Variants in ZNF569 observed in about 807,000 individuals in gnomAD.
ZNF569 encodes DNA-binding protein.
Under a neutral mutation model 56.3 loss-of-function variants are expected in ZNF569, and 38 were observed. The ratio of observed to expected loss-of-function variants is 0.68; its 90% CI spans 0.52 to 0.88. The LOEUF (loss-of-function observed/expected upper bound fraction) is 0.88, where lower values mean the gene tolerates loss of function less well. Ranked by LOEUF, ZNF569 falls within the 40% of genes least tolerant of loss-of-function variation. ZNF569 has a pLI of 0.00. For missense variants in ZNF569, 666 were observed against 809.2 expected, an observed-to-expected ratio of 0.82 and a Z score of 2.15; for synonymous variants, 241 against 262.9, an observed-to-expected ratio of 0.92 and a Z score of 0.81.
Position 37,413,208 on chromosome 19 carries a change from G to A in ZNF569, c.1450C>T (p.His484Tyr). Reference protein sequence around the residue: ...AFSQKSNLIAHEKIHSGEKPY... With the variant: ...AFSQKSNLIAYEKIHSGEKPY... ...TTCTCTCCAGAATGAATTTTTTCAT[G>A]AGCAATGAGATTTGATTTCTGGCTA... The change falls in exon 6 of 6, where the codon CAT becomes TAT. Residue 484 changes from histidine (H) to tyrosine (Y), a missense_variant. Physicochemically the swap from His to Tyr is moderately conservative, Grantham distance 83. Transcript: ENST00000316950. 1 of 1,607,768 alleles carries A rather than the reference G, an allele frequency of 6.2e-7. No individual in the cohort carries two copies.
At chr19:37,434,529 A>T (rs1430428675) in intron 3 of ZNF569, among the ~76,000 whole-genome samples, 4 of 152,196 alleles carry the variant, frequency 2.6e-5, no homozygotes, top group African/African-American at 4.8e-5. Context: ...TCTACTAAAA[A>T]TACAAAAAAA....
At chr19:37,447,695 T>G (rs1216273927) in intron 2 of ZNF569, among the ~76,000 whole-genome samples, 1 of 147,064 alleles carries the variant, frequency 6.8e-6, no homozygotes, top group African/African-American at 2.7e-5. Context: ...AGATAAAGCA[T>G]TCAGTATCTC....
upstream of ZNF569, chr19:37,467,660 G>A: frequency 3.4e-6 from 2 of 596,452 alleles, no homozygotes; most frequent in Non-Finnish European, 3.0e-6. Context: ...AGTGAAGGCC[G>A]GGTCAGCTGG....
chr19:37,454,729 C>T (rs1328027589), intron 2 of ZNF569: 34 of 659,490 alleles, frequency 5.2e-5, no homozygotes, highest in Non-Finnish European at 8.3e-5. Flanking sequence ...GACTGCAACC[C>T]CCACCTCCCT....
At chr19:37,427,606 C>CT (rs1351579727) in intron 3 of ZNF569, among the ~76,000 whole-genome samples, 2 of 152,166 alleles carry the variant, frequency 1.3e-5, no homozygotes, top group African/African-American at 4.8e-5. Context: ...CTAAAAGGAA[C>CT]TTATGAGCAT....
intron 4 of ZNF569, 62 bp downstream of exon 4, chr19:37,426,190 C>T (rs1433693295): frequency 2.0e-6 from 3 of 1,537,936 alleles, no homozygotes; most frequent in African/African-American, 1.4e-5. Flanking sequence ...TTCAGAAACA[C>T]TGGGAGGAAA....
intron 1 of ZNF569, among the ~76,000 whole-genome samples, chr19:37,465,944 T>A (rs1237648096): frequency 6.6e-6 from 1 of 152,196 alleles, no homozygotes; most frequent in Non-Finnish European, 1.5e-5. Context: ...AATGCATAAT[T>A]TGTGATTGTT....
At chr19:37,459,097 A>G (rs1009141307) in intron 2 of ZNF569, among the ~76,000 whole-genome samples, 2 of 152,188 alleles carry the variant, frequency 1.3e-5, no homozygotes, top group African/African-American at 4.8e-5. Context: ...CTATTTTCCC[A>G]ATTAGAAAAC....
chr19:37,462,729 T>C (rs1170225216), intron 2 of ZNF569, among the ~76,000 whole-genome samples: 2 of 152,236 alleles, frequency 1.3e-5, no homozygotes, highest in East Asian at 3.8e-4. Context: ...GAGTTTGTTA[T>C]GTTGGAGTGA....
chr19:37,455,849 C>A (rs1791666498), intron 2 of ZNF569, among the ~76,000 whole-genome samples: 1 of 152,142 alleles, frequency 6.6e-6, no homozygotes, highest in African/African-American at 2.4e-5. Flanking sequence ...TAAGGGCACC[C>A]ACTGATGGCT....
At chr19:37,418,133 A>ATAATAT (rs2040967783) in intron 5 of ZNF569, among the ~76,000 whole-genome samples, 2 of 149,848 alleles carry the variant, frequency 1.3e-5, no homozygotes, top group African/African-American at 4.9e-5. Context: ...AATAATAATA[A>ATAATAT]TAAAATAAAG....
chr19:37,433,056 A>G (rs2041251359), intron 3 of ZNF569, among the ~76,000 whole-genome samples: 1 of 151,970 alleles, frequency 6.6e-6, no homozygotes, highest in South Asian at 2.1e-4. Flanking sequence ...GGTGCATGCC[A>G]CCATACCTAA....
chr19:37,439,552 G>A (rs972863070), intron 3 of ZNF569, among the ~76,000 whole-genome samples: 1 of 152,176 alleles, frequency 6.6e-6, no homozygotes, highest in African/African-American at 2.4e-5. Flanking sequence ...CCACTGCTAA[G>A]TATATACCCA....
chr19:37,426,908 G>A (rs1954040698), intron 3 of ZNF569, among the ~76,000 whole-genome samples: 2 of 152,214 alleles, frequency 1.3e-5, no homozygotes, highest in South Asian at 2.1e-4. Flanking sequence ...ACATGTACTG[G>A]AAAAGGGGCC....
chr19:37,442,894 GT>G (rs2041429464), intron 3 of ZNF569, among the ~76,000 whole-genome samples: 1 of 152,192 alleles, frequency 6.6e-6, no homozygotes, highest in Non-Finnish European at 1.5e-5. Flanking sequence ...CACTCCTGGG[GT>G]GGGGGTGATG....
chr19:37,450,219 AT>A (rs1240620444), intron 2 of ZNF569, among the ~76,000 whole-genome samples: 1 of 152,140 alleles, frequency 6.6e-6, no homozygotes, highest in Admixed American at 6.5e-5. Context: ...TTTGAGAAGG[AT>A]TTCCATTAAT....
At chr19:37,431,830 A>G (rs879287634) in intron 3 of ZNF569, among the ~76,000 whole-genome samples, 5 of 151,878 alleles carry the variant, frequency 3.3e-5, no homozygotes, top group Non-Finnish European at 5.9e-5. Context: ...AGGCCTGGCA[A>G]CATTCACCAC....
At chr19:37,443,852 C>CAA (rs1201588423) in intron 3 of ZNF569, among the ~76,000 whole-genome samples, 15 of 114,606 alleles carry the variant, frequency 1.3e-4, no homozygotes, top group Non-Finnish European at 1.7e-4. Context: ...ACTAAAAATA[C>CAA]AAAAAAAAAA....
Position 37,440,451 on chromosome 19 carries a change from G to T in ZNF569, c.15+4456C>A, listed in dbSNP as rs564584294. Among the ~76,000 whole-genome samples, 20 of 152,232 alleles carry T rather than the reference G, an allele frequency of 1.3e-4. No individual in the cohort carries two copies. The South Asian group carries it at 4.2e-3, about 32-fold the overall frequency. On this transcript the variant is annotated intron_variant, in intron 3 of 5. Coordinates refer to ENST00000316950, the MANE Select transcript of ZNF569 (RefSeq NM_152484.3). Reference sequence around the variant, plus strand: ...GGATAGGGGAACAGATGCTTAATGGGTATGGGGTTTTATTTTGAGGTGATA... The same window carrying T: ...GGATAGGGGAACAGATGCTTAATGGTTATGGGGTTTTATTTTGAGGTGATA...
Sources: allele counts gnomAD v4.1 joint callset (sites outside exome capture counted in the v4.1 genomes callset), GRCh38; gene constraint gnomAD v4.1.1; transcripts MANE v1.5; gene names NCBI Gene and HGNC (gene_info 2026-07-23, HGNC 2026-07-21).